The following TAFA5 variants were observed in gnomAD, a reference collection of about 807,000 sequenced individuals.
TAFA5 encodes the protein chemokine-like protein TAFA-5.
In TAFA5, 6 loss-of-function variants were observed where a neutral mutation model predicts 15.3. The ratio of observed to expected loss-of-function variants is 0.39; its 90% CI spans 0.21 to 0.77. The LOEUF is 0.77. TAFA5 is among the 30% of genes least tolerant of loss of function. The pLI, the probability that TAFA5 is intolerant of heterozygous loss-of-function variation, is 0.41. For missense variants in TAFA5, 161 were observed against 193.1 expected (o/e 0.83, Z 0.98); for synonymous variants, 103 against 80.7 (o/e 1.28, Z -1.48).
chr22:48,702,763 G>A (rs892065009), intron 2 of TAFA5, among the ~76,000 whole-genome samples: 13 of 152,372 alleles, frequency 8.5e-5, no homozygotes, highest in Admixed American at 2.0e-4. Flanking sequence ...ACCCGAGCCC[G>A]GGGAAAGGGA....
intron 1 of TAFA5, among the ~76,000 whole-genome samples, chr22:48,614,130 G>A (rs1457043228): frequency 6.8e-6 from 1 of 146,206 alleles, no homozygotes; most frequent in Non-Finnish European, 1.5e-5. Flanking sequence ...CATCACCCCT[G>A]TCTGCTGGTG....
At chr22:48,661,923 G>A (rs1215569278) in intron 2 of TAFA5, among the ~76,000 whole-genome samples, 3 of 148,586 alleles carry the variant, frequency 2.0e-5, no homozygotes, top group African/African-American at 7.5e-5. Context: ...GGCTCATTGG[G>A]GTGCCCACTT....
At chr22:48,586,246 C>T (rs751922477) in intron 1 of TAFA5, among the ~76,000 whole-genome samples, 1 of 152,278 alleles carries the variant, frequency 6.6e-6, no homozygotes, top group Admixed American at 6.5e-5. Context: ...TCTATGACCC[C>T]AGGCAGAGGT....
intron 3 of TAFA5, among the ~76,000 whole-genome samples, chr22:48,710,159 T>A (rs1018501993): frequency 1.3e-5 from 2 of 152,018 alleles, no homozygotes; most frequent in Non-Finnish European, 2.9e-5. Context: ...CTGCAGCCGC[T>A]CCTGCCCAGG....
At chr22:48,495,072 G>A (rs1045805942) in intron 1 of TAFA5, among the ~76,000 whole-genome samples, 6 of 152,186 alleles carry the variant, frequency 3.9e-5, no homozygotes, top group Admixed American at 1.3e-4. Context: ...CAGTGGGATG[G>A]CAGCCCCGCA....
chr22:48,707,916 C>A, intron 3 of TAFA5, 72 bp downstream of exon 3: 1 of 1,542,914 alleles, frequency 6.5e-7, no homozygotes, highest in Admixed American at 1.8e-5. Context: ...CGACGCCACC[C>A]GGGCTCCGCG....
At chr22:48,703,254 T>G (rs892012926) in intron 2 of TAFA5, among the ~76,000 whole-genome samples, 1 of 152,166 alleles carries the variant, frequency 6.6e-6, no homozygotes, top group African/African-American at 2.4e-5. Context: ...GTGTGGTGTG[T>G]GGCCAGGCAT....
intron 1 of TAFA5, among the ~76,000 whole-genome samples, chr22:48,619,935 G>A (rs28478940): frequency 0.88 from 134,226 of 152,264 alleles, 59,297 homozygotes; most frequent in East Asian, 1. Flanking sequence ...TGAGTCCCGC[G>A]GGCCTGGGGG....
chr22:48,575,654 C>T (rs1182842401), intron 1 of TAFA5, among the ~76,000 whole-genome samples: 1 of 146,264 alleles, frequency 6.8e-6, no homozygotes, highest in Non-Finnish European at 1.5e-5. Flanking sequence ...AGCCCAGGGG[C>T]GCGGTGGGCC....
intron 1 of TAFA5, among the ~76,000 whole-genome samples, chr22:48,553,062 C>A (rs1421511525): frequency 6.6e-6 from 1 of 152,192 alleles, no homozygotes; most frequent in Non-Finnish European, 1.5e-5. Flanking sequence ...CTCCCACCAC[C>A]ACACCCAGCA....
At chr22:48,748,717 GCC>G (rs1466992401) in intron 3 of TAFA5, among the ~76,000 whole-genome samples, 7 of 152,230 alleles carry the variant, frequency 4.6e-5, no homozygotes, top group African/African-American at 1.7e-4. Context: ...ACCGCAGCTG[GCC>G]AGGGTGCTGG....
At chr22:48,730,342 C>T (rs1280084543) in intron 3 of TAFA5, among the ~76,000 whole-genome samples, 1 of 151,904 alleles carries the variant, frequency 6.6e-6, no homozygotes, top group East Asian at 1.9e-4. Flanking sequence ...GCCGAGATCA[C>T]GCCACTGCAC....
At chr22:48,648,334 C>T (rs190042620) in intron 2 of TAFA5, among the ~76,000 whole-genome samples, 20 of 152,274 alleles carry the variant, frequency 1.3e-4, no homozygotes, top group African/African-American at 4.3e-4. Flanking sequence ...GTGGGGGCTC[C>T]GGATGCCCAA....
At chr22:48,713,525 G>C (rs552511440) in intron 3 of TAFA5, among the ~76,000 whole-genome samples, 1 of 152,254 alleles carries the variant, frequency 6.6e-6, no homozygotes, top group Non-Finnish European at 1.5e-5. Flanking sequence ...GCCTGCCGGC[G>C]AGTTCTGGAG....
chr22:48,714,011 G>A (rs6010487), intron 3 of TAFA5, among the ~76,000 whole-genome samples: 6,529 of 152,326 alleles, frequency 0.043, 311 homozygotes, highest in African/African-American at 0.12. Flanking sequence ...CAGTCCTCCC[G>A]TGTCTGTGCC....
chr22:48,583,436 A>G (rs1924175662), intron 1 of TAFA5, among the ~76,000 whole-genome samples: 1 of 150,466 alleles, frequency 6.6e-6, no homozygotes, highest in Admixed American at 6.6e-5. Context: ...CCACACACAC[A>G]GTACCCACCG....
At chr22:48,531,761 C>G (rs905825147) in intron 1 of TAFA5, among the ~76,000 whole-genome samples, 2 of 152,180 alleles carry the variant, frequency 1.3e-5, no homozygotes, top group African/African-American at 4.8e-5. Flanking sequence ...TCTGGGACTG[C>G]CCCCAGGACT....
At chr22:48,591,048 C>T (rs533529468) in intron 1 of TAFA5, among the ~76,000 whole-genome samples, 20 of 152,238 alleles carry the variant, frequency 1.3e-4, no homozygotes, top group South Asian at 4.2e-4. Flanking sequence ...GATGGGGTTT[C>T]GCCATGTTGG....
At chr22:48,497,109 C>A (rs1928355820) in intron 1 of TAFA5, among the ~76,000 whole-genome samples, 1 of 152,206 alleles carries the variant, frequency 6.6e-6, no homozygotes, top group Non-Finnish European at 1.5e-5. Flanking sequence ...AGCTCCACTC[C>A]CCACGGGCTC....
Sources: gnomAD v4.1 joint callset for allele counts (sites outside exome capture counted in the v4.1 genomes callset) on GRCh38, gnomAD v4.1.1 for gene constraint, MANE v1.5 for transcripts, NCBI Gene and HGNC (gene_info 2026-07-23, HGNC 2026-07-21) for gene names.